The following MYO3A variants were observed in gnomAD, a reference collection of about 807,000 sequenced individuals.
MYO3A encodes the protein myosin-IIIa.
A neutral mutation model predicts 192.7 loss-of-function variants in MYO3A; 180 were observed. The ratio of observed to expected loss-of-function variants is 0.93; its 90% CI spans 0.83 to 1.06. MYO3A has a LOEUF of 1.06. Among genes scored for constraint, MYO3A ranks in the 50% least tolerant of loss-of-function variants. The pLI is 0.00. For missense variants in MYO3A, 1,896 were observed against 1,905.0 expected (o/e 1.00, Z 0.09); for synonymous variants, 628 against 645.3 (o/e 0.97, Z 0.41).
At chr10:26,006,468 AT>A (rs1291862770) in intron 6 of MYO3A, among the ~76,000 whole-genome samples, 3 of 152,198 alleles carry the variant, frequency 2.0e-5, no homozygotes, top group Non-Finnish European at 4.4e-5. Flanking sequence ...GATCAACAAA[AT>A]TGATAGACTG....
intron 14 of MYO3A, among the ~76,000 whole-genome samples, chr10:26,074,364 T>C (rs1379636830): frequency 6.6e-6 from 1 of 151,974 alleles, no homozygotes; most frequent in Non-Finnish European, 1.5e-5. Flanking sequence ...TGTATCTTTT[T>C]GTCATATAGC....
intron 17 of MYO3A, among the ~76,000 whole-genome samples, chr10:26,107,502 A>G (rs187307037): frequency 2.9e-4 from 44 of 149,336 alleles, no homozygotes; most frequent in African/African-American, 1.0e-3. Flanking sequence ...AAAAAAAAAG[A>G]TTAGGGTAAA....
intron 26 of MYO3A, among the ~76,000 whole-genome samples, chr10:26,160,142 G>A (rs946758924): frequency 3.9e-5 from 6 of 152,000 alleles, no homozygotes; most frequent in African/African-American, 1.5e-4. Context: ...ATTAATATAA[G>A]TACTCTTAAA....
At chr10:25,998,353 A>G (rs1331120038) in intron 6 of MYO3A, among the ~76,000 whole-genome samples, 1 of 152,222 alleles carries the variant, frequency 6.6e-6, no homozygotes, top group African/African-American at 2.4e-5. Context: ...CAGAGCATCT[A>G]GAGAGGAATG....
chr10:25,999,223 C>G (rs1203281434), intron 6 of MYO3A, among the ~76,000 whole-genome samples: 1 of 152,074 alleles, frequency 6.6e-6, no homozygotes, highest in Non-Finnish European at 1.5e-5. Context: ...TTTAAAACAT[C>G]ATAAATTGGA....
At chr10:26,153,960 G>C in intron 24 of MYO3A, 31 bp downstream of exon 24, 1 of 1,461,582 alleles carries the variant, frequency 6.8e-7, no homozygotes, top group Non-Finnish European at 9.6e-7. Flanking sequence ...TTGGCAGTGA[G>C]TCTAAGAATC....
At chr10:26,053,137 G>A (rs1844104069) in intron 10 of MYO3A, among the ~76,000 whole-genome samples, 2 of 152,046 alleles carry the variant, frequency 1.3e-5, no homozygotes, top group East Asian at 1.9e-4. Flanking sequence ...TCTATAAAAC[G>A]AAGGCAAAAG....
In MYO3A at chr10:26,157,370, A is replaced by ACT; in HGVS notation, c.2854_2855insCT (p.Ile952ThrfsTer36). 1 of 1,614,154 alleles carries ACT rather than the reference A, an allele frequency of 6.2e-7. No homozygotes were observed. The highest frequency in any genetic ancestry group is 8.5e-7 in the Non-Finnish European group (1 of 1,180,006). ...GGGCCAACCTCATTTTGTCCGTTGC[A>ACT]TCAAACCAAATAGTGAGCGTCAGGC... On this transcript the variant is annotated frameshift_variant, in exon 26 of 35. Coordinates refer to ENST00000642920, the MANE Select transcript of MYO3A (RefSeq NM_017433.5). LOFTEE classifies it high-confidence loss of function.
chr10:26,148,132 T>C (rs1316719744), intron 23 of MYO3A, among the ~76,000 whole-genome samples: 2 of 152,198 alleles, frequency 1.3e-5, no homozygotes, highest in African/African-American at 2.4e-5. Flanking sequence ...TTTTGACATA[T>C]ATAAGCACCT....
intron 4 of MYO3A, among the ~76,000 whole-genome samples, chr10:25,990,219 A>G (rs1198991425): frequency 6.6e-6 from 1 of 151,946 alleles, no homozygotes; most frequent in Non-Finnish European, 1.5e-5. Context: ...TGGGGAGGGG[A>G]AGGAGGATGC....
chr10:26,117,075 T>A (rs1475238646), intron 17 of MYO3A, among the ~76,000 whole-genome samples: 1 of 152,116 alleles, frequency 6.6e-6, no homozygotes, highest in African/African-American at 2.4e-5. Flanking sequence ...CTGGGCATAT[T>A]TCAGGTGTTA....
At chr10:25,995,067 G>T (rs1417455022) in intron 4 of MYO3A, among the ~76,000 whole-genome samples, 1 of 152,100 alleles carries the variant, frequency 6.6e-6, no homozygotes, top group Admixed American at 6.6e-5. Context: ...GCCTTGCTTG[G>T]TTGGGGAAGT....
At chr10:26,023,126 A>G (rs959583456) in intron 8 of MYO3A, 1 of 152,356 alleles carries the variant, frequency 6.6e-6, no homozygotes, top group Non-Finnish European at 1.5e-5. Context: ...GCAATCTTCA[A>G]ATTGTCCTAA....
At chr10:26,083,144 A>C (rs1232679698) in intron 14 of MYO3A, among the ~76,000 whole-genome samples, 1 of 151,818 alleles carries the variant, frequency 6.6e-6, no homozygotes, top group East Asian at 1.9e-4. Context: ...CAGCATGACT[A>C]CTCTTGTGCT....
At chr10:26,188,132 T>G (rs1160421667) in intron 31 of MYO3A, among the ~76,000 whole-genome samples, 1 of 152,222 alleles carries the variant, frequency 6.6e-6, no homozygotes, top group African/African-American at 2.4e-5. Flanking sequence ...TTCCTATTTC[T>G]CCACATCCTC....
At chr10:25,966,928 G>A (rs909946987) in intron 4 of MYO3A, among the ~76,000 whole-genome samples, 2 of 152,136 alleles carry the variant, frequency 1.3e-5, no homozygotes, top group Non-Finnish European at 2.9e-5. Flanking sequence ...AAGAGACTTA[G>A]GACTGTGACA....
At chr10:25,963,419 A>G (rs980736733) in intron 4 of MYO3A, among the ~76,000 whole-genome samples, 2 of 152,206 alleles carry the variant, frequency 1.3e-5, no homozygotes, top group Admixed American at 6.5e-5. Context: ...TAGAAAGAAG[A>G]TAAGTTAGAA....
intron 19 of MYO3A, among the ~76,000 whole-genome samples, chr10:26,125,854 A>G (rs1839187899): frequency 6.6e-6 from 1 of 152,150 alleles, no homozygotes; most frequent in Admixed American, 6.5e-5. Flanking sequence ...CACAATAGAA[A>G]GTGAATTCTT....
At chr10:26,013,734 A>G (rs987846960) in intron 6 of MYO3A, among the ~76,000 whole-genome samples, 3 of 152,136 alleles carry the variant, frequency 2.0e-5, no homozygotes, top group Non-Finnish European at 4.4e-5. Context: ...TATTAATAAA[A>G]GTAGATCTAC....
Sources: gnomAD v4.1 joint callset for allele counts (sites outside exome capture counted in the v4.1 genomes callset) on GRCh38, gnomAD v4.1.1 for gene constraint, MANE v1.5 for transcripts, NCBI Gene and HGNC (gene_info 2026-07-23, HGNC 2026-07-21) for gene names.